Variants in GK observed in about 807,000 individuals in gnomAD.
GK encodes glycerol kinase.
A neutral mutation model predicts 56.4 loss-of-function variants in GK; 9 were observed. That is an observed-to-expected ratio of 0.16 (90% CI 0.10 to 0.28). The LOEUF is 0.28. GK is among the 10% of genes least tolerant of loss of function. GK has a pLI of 1.00. For synonymous variants in GK, 104 were observed against 144.1 expected, an observed-to-expected ratio of 0.72 and a Z score of 1.99; for missense variants, 161 against 431.4, an observed-to-expected ratio of 0.37 and a Z score of 5.55.
intron 1 of GK, among the ~76,000 whole-genome samples, chrX:30,663,151 G>A (rs998362782): frequency 5.4e-5 from 6 of 110,364 alleles, no homozygotes; most frequent in African/African-American, 9.9e-5. Flanking sequence ...CCAAAGTGCC[G>A]GGCGTCAGCC....
chrX:30,712,152 T>C (rs1311345275), intron 13 of GK, among the ~76,000 whole-genome samples: 1 of 112,458 alleles, frequency 8.9e-6, no homozygotes, highest in African/African-American at 3.2e-5. Context: ...GCTGTTTTTT[T>C]CATTGCTTCT....
intron 18 of GK, 43 bp from the exon 19 acceptor site, chrX:30,724,058 A>G (rs751950082): frequency 1.2e-6 from 1 of 817,563 alleles, no homozygotes. Context: ...ACATCTCAGC[A>G]AACTACCTTT....
chrX:30,724,568 A>T, intron 19 of GK: 1 of 292,379 alleles, frequency 3.4e-6, no homozygotes, highest in South Asian at 3.3e-5. Context: ...AACCAACTGA[A>T]AGCTGTATTA....
chrX:30,698,680 G>A (rs762448208), intron 9 of GK, among the ~76,000 whole-genome samples: 20 of 93,102 alleles, frequency 2.1e-4, no homozygotes, highest in African/African-American at 8.0e-4. Flanking sequence ...CTCCAGCCTG[G>A]GCGAGAGGGA....
intron 3 of GK, among the ~76,000 whole-genome samples, chrX:30,670,340 T>C (rs1428623792): frequency 2.7e-5 from 3 of 112,093 alleles, no homozygotes; most frequent in Admixed American, 9.5e-5. Context: ...CTGGACCCAC[T>C]TGGATGCTAT....
chrX:30,679,341 C>T (rs1435578841), intron 4 of GK, among the ~76,000 whole-genome samples: 1 of 108,918 alleles, frequency 9.2e-6, no homozygotes, highest in Non-Finnish European at 1.9e-5. Context: ...CCTCGGCCTC[C>T]CAAGTAGCTG....
intron 1 of GK, among the ~76,000 whole-genome samples, chrX:30,663,733 C>A (rs759179451): frequency 2.0e-4 from 22 of 108,780 alleles, no homozygotes; most frequent in Non-Finnish European, 3.4e-4. Flanking sequence ...CTGCATTGAA[C>A]AGGTAATTTT....
chrX:30,714,745 C>T (rs2147251808), intron 13 of GK, among the ~76,000 whole-genome samples: 1 of 112,099 alleles, frequency 8.9e-6, no homozygotes, highest in South Asian at 3.7e-4. Flanking sequence ...CATCAGGAGG[C>T]AGGGATCATG....
chrX:30,698,713 A>AAG (rs1935379419), intron 9 of GK, among the ~76,000 whole-genome samples: 4 of 106,496 alleles, frequency 3.8e-5, no homozygotes, highest in African/African-American at 1.0e-4. Context: ...AAAAAAAAAA[A>AAG]AAATTAGCCG....
At position 30,720,852 on chromosome X, in the gene GK, T is replaced by G; in HGVS notation, c.1358T>G (p.Val453Gly). The change falls in exon 18 of 21, where the codon GTG becomes GGG. Residue 453 changes from valine to glycine, a missense_variant and splice_region_variant. Val to Gly is a moderately radical substitution (Grantham distance 109, BLOSUM62 -3). Coordinates refer to ENST00000427190, the MANE Select transcript of GK (RefSeq NM_001205019.2). Reference protein sequence around the residue: ...LQADILYIPVVKPSMPETTAL... With the variant: ...LQADILYIPVGKPSMPETTAL... ...TATTGATGGAACTCTCTCTCCTCAG[T>G]GAAGCCCTCAATGCCCGAAACCACT... The G allele has an allele frequency of 8.3e-7, 1 of 1,212,084 alleles. No individual in the cohort carries two copies. The highest frequency in any genetic ancestry group is 1.1e-6 in the Non-Finnish European group (1 of 895,447).
intron 11 of GK, among the ~76,000 whole-genome samples, chrX:30,705,262 A>G (rs377478928): frequency 2.9e-4 from 33 of 112,791 alleles, no homozygotes; most frequent in African/African-American, 9.7e-4. Context: ...TCAGAATTCA[A>G]TGAAAAGCCC....
intron 19 of GK, among the ~76,000 whole-genome samples, chrX:30,726,973 C>T (rs934618367): frequency 2.7e-5 from 3 of 111,977 alleles, no homozygotes; most frequent in Non-Finnish European, 5.6e-5. Flanking sequence ...CATTTTGTTA[C>T]GCACCAAATT....
chrX:30,682,195 A>C (rs1004032206), intron 4 of GK, among the ~76,000 whole-genome samples: 10 of 111,796 alleles, frequency 8.9e-5, no homozygotes, highest in African/African-American at 2.9e-4. Flanking sequence ...TTGTAATAGA[A>C]GCTAATTCTG....
chrX:30,657,938 CT>C (rs1309857003), intron 1 of GK, among the ~76,000 whole-genome samples: 1 of 112,204 alleles, frequency 8.9e-6, no homozygotes, highest in Non-Finnish European at 1.9e-5. Flanking sequence ...AAAATATTGC[CT>C]TTGAATGAGT....
intron 14 of GK, 123 bp downstream of exon 14, chrX:30,718,739 T>G: frequency 2.0e-6 from 1 of 499,592 alleles, no homozygotes; most frequent in East Asian, 3.7e-5. Flanking sequence ...TGGATCCCTA[T>G]TATGAGTTTG....
intron 15 of GK, 35 bp from the exon 16 acceptor site, chrX:30,719,976 C>A: frequency 3.3e-6 from 3 of 913,765 alleles, no homozygotes; most frequent in South Asian, 2.0e-5. Context: ...TGGTTTATAT[C>A]ATTCTAATCT....
Position 30,721,096 on chromosome X carries a change from A to G in GK, c.1501+101A>G, listed in dbSNP as rs1936874424. The G allele has an allele frequency of 3.7e-6, 3 of 812,976 alleles. No individual in the cohort carries two copies. In the South Asian group the frequency reaches 6.5e-5, roughly 18 times the overall value. The allele number at this position is 812,976 out of a possible 1,213,427, so 67.0% of individuals were successfully genotyped here. A position where few individuals can be genotyped will look rare whatever the true frequency, so the allele number is the denominator to read the frequency against. On this transcript the variant is annotated intron_variant, in intron 18 of 20. Transcript: ENST00000427190. ...TTAGTTAAAAGTTAAGGAACCAAGT[A>G]AAATAGTAAATGTTATCATTGCAGA...
intron 1 of GK, among the ~76,000 whole-genome samples, chrX:30,661,065 G>A (rs756843342): frequency 9.1e-6 from 1 of 110,220 alleles, no homozygotes; most frequent in South Asian, 3.8e-4. Context: ...GCCCACCTCG[G>A]CCTCCCAAAG....
intron 18 of GK, among the ~76,000 whole-genome samples, chrX:30,723,351 C>T (rs748259891): frequency 0.034 from 3,648 of 107,865 alleles, 82 homozygotes; most frequent in Non-Finnish European, 0.054. Context: ...GCCGAGATGG[C>T]ACCACTGCAC....
Sources: allele counts gnomAD v4.1 joint callset (sites outside exome capture counted in the v4.1 genomes callset), GRCh38; gene constraint gnomAD v4.1.1; transcripts MANE v1.5; gene names NCBI Gene and HGNC (gene_info 2026-07-23, HGNC 2026-07-21).